Variants in S100A8 observed in about 807,000 individuals in gnomAD.
The protein encoded by S100A8 is S100 calcium binding protein A8, also known as protein S100-A8.
In S100A8, 1 loss-of-function variant was observed where a neutral mutation model predicts 4.2. The observed-to-expected ratio is 0.24, with a 90% CI of 0.08 to 1.12. The LOEUF (loss-of-function observed/expected upper bound fraction) is 1.12. Ranked by LOEUF, S100A8 falls within the 50% of genes most tolerant of loss-of-function variation. S100A8 has a pLI of 0.53. For missense variants in S100A8, 96 were observed against 111.8 expected, an observed-to-expected ratio of 0.86 and a Z score of 0.64; for synonymous variants, 41 against 44.7, an observed-to-expected ratio of 0.92 and a Z score of 0.33.
chr1:153,395,543 C>T (rs1662194567), upstream of S100A8, among the ~76,000 whole-genome samples: 3 of 152,162 alleles, frequency 2.0e-5, no homozygotes, highest in South Asian at 6.2e-4. Context: ...TTTACCTCCT[C>T]GTCACAGCCT....
the S100A8 span, among the ~76,000 whole-genome samples, chr1:153,411,218 T>C: frequency 6.6e-3 from 1,010 of 152,336 alleles, 15 homozygotes; most frequent in African/African-American, 0.023. Flanking sequence ...CATGATTGTA[T>C]ATCTAGAAAA....
chr1:153,410,638 G>GC, the S100A8 span, among the ~76,000 whole-genome samples: 1 of 152,076 alleles, frequency 6.6e-6, no homozygotes, highest in African/African-American at 2.4e-5. Flanking sequence ...TATGAGGCCA[G>GC]CATCATCCTG....
chr1:153,422,515 C>T, the S100A8 span: 1 of 985,166 alleles, frequency 1.0e-6, no homozygotes, highest in Admixed American at 6.1e-5. Flanking sequence ...TGCCCACACT[C>T]ACATTACAGC....
the S100A8 span, among the ~76,000 whole-genome samples, chr1:153,401,131 C>T: frequency 6.6e-6 from 1 of 152,368 alleles, no homozygotes; most frequent in East Asian, 1.9e-4. Context: ...ATGCTGTGGA[C>T]ATCTCACATG....
chr1:153,396,961 T>C, the S100A8 span, among the ~76,000 whole-genome samples: 1 of 152,226 alleles, frequency 6.6e-6, no homozygotes, highest in Admixed American at 6.5e-5. Flanking sequence ...GTGCCCCTAG[T>C]TGGTGCCCCC....
the S100A8 span, among the ~76,000 whole-genome samples, chr1:153,396,355 C>T: frequency 6.6e-6 from 1 of 152,260 alleles, no homozygotes; most frequent in Non-Finnish European, 1.5e-5. Flanking sequence ...ACTTCTTTTT[C>T]TGGATTGTAG....
chr1:153,409,218 G>A, the S100A8 span, among the ~76,000 whole-genome samples: 64 of 152,282 alleles, frequency 4.2e-4, no homozygotes, highest in South Asian at 0.013. Context: ...TCAGTGTGCT[G>A]TATTCAGGAG....
At chr1:153,401,021 T>G in the S100A8 span, among the ~76,000 whole-genome samples, 2 of 152,184 alleles carry the variant, frequency 1.3e-5, no homozygotes, top group Non-Finnish European at 1.5e-5. Flanking sequence ...TCACCCTACC[T>G]TTTGTTCACT....
the S100A8 span, among the ~76,000 whole-genome samples, chr1:153,405,093 C>T: frequency 2.6e-5 from 4 of 151,934 alleles, no homozygotes; most frequent in Admixed American, 1.3e-4. Flanking sequence ...TCCCCCCCAC[C>T]CCGCACTGCT....
upstream of S100A8, among the ~76,000 whole-genome samples, chr1:153,392,673 C>G (rs1379035283): frequency 1.3e-5 from 2 of 152,176 alleles, no homozygotes; most frequent in Non-Finnish European, 2.9e-5. Flanking sequence ...TACCCTGCTG[C>G]CCACACTCCT....
chr1:153,419,452 C>T, the S100A8 span: 11 of 962,996 alleles, frequency 1.1e-5, no homozygotes, highest in South Asian at 1.7e-5. Context: ...GGAGAATTTC[C>T]CCCACCCCCA....
chr1:153,395,535 T>A (rs1389163205), upstream of S100A8, among the ~76,000 whole-genome samples: 1 of 152,144 alleles, frequency 6.6e-6, no homozygotes, highest in East Asian at 1.9e-4. Flanking sequence ...TGAAGCTGTT[T>A]ACCTCCTCGT....
chr1:153,402,363 C>G, the S100A8 span, among the ~76,000 whole-genome samples: 1 of 152,216 alleles, frequency 6.6e-6, no homozygotes, highest in Admixed American at 6.5e-5. Flanking sequence ...TACCTGTTCT[C>G]AACCACTACA....
chr1:153,392,128 GA>G (rs1662112993), upstream of S100A8, among the ~76,000 whole-genome samples: 3 of 152,050 alleles, frequency 2.0e-5, no homozygotes, highest in African/African-American at 7.2e-5. Flanking sequence ...GAATATAAAA[GA>G]ATCCCTACAA....
chr1:153,419,144 G>A, the S100A8 span: 3 of 1,613,202 alleles, frequency 1.9e-6, no homozygotes, highest in Non-Finnish European at 2.5e-6. Flanking sequence ...TCTCTTCACA[G>A]GACAAAAAGG....
At chr1:153,402,334 C>G in the S100A8 span, among the ~76,000 whole-genome samples, 198 of 152,306 alleles carry the variant, frequency 1.3e-3, 1 homozygote, top group Non-Finnish European at 1.6e-3. Context: ...ATTTCTAACC[C>G]AGGCCCATGG....
the S100A8 span, among the ~76,000 whole-genome samples, chr1:153,412,332 C>T: frequency 1.3e-5 from 2 of 152,164 alleles, no homozygotes; most frequent in African/African-American, 4.8e-5. Flanking sequence ...AGGATATGAA[C>T]AGACACTTCT....
In S100A8 at chr1:153,390,120, C is replaced by A; in HGVS notation, c.265G>T (p.Glu89Ter). ...GVAAHKKSHEESHKE is the reference protein window; with the variant it reads ...GVAAHKKSHE ...TAACTCAGCTACTCTTTGTGGCTTT[C>A]TTCATGGCTTTTTTTGTGGGCTGCC... Residue 89 changes from glutamate (E) to a stop codon, truncating the protein, a stop_gained, in exon 3 of 3, where the codon GAA (glutamate) becomes TAA (stop). Coordinates refer to ENST00000368733, the MANE Select transcript of S100A8 (RefSeq NM_002964.5). LOFTEE classifies it high-confidence loss of function. 1 of 1,613,890 alleles carries A rather than the reference C, an allele frequency of 6.2e-7. No homozygotes were observed. Among genetic ancestry groups the A allele is most frequent in the Non-Finnish European group, 8.5e-7 (1 of 1,179,908 alleles).
At chr1:153,420,941 C>T in the S100A8 span, 1 of 152,592 alleles carries the variant, frequency 6.6e-6, no homozygotes, top group Non-Finnish European at 1.5e-5. Flanking sequence ...CCAGAACCAT[C>T]TTCCCCTGTT....
Sources: allele counts gnomAD v4.1 joint callset (sites outside exome capture counted in the v4.1 genomes callset), GRCh38; gene constraint gnomAD v4.1.1; transcripts MANE v1.5; gene names NCBI Gene and HGNC (gene_info 2026-07-23, HGNC 2026-07-21).